The following SAP30BP variants were observed in gnomAD, a reference collection of about 807,000 sequenced individuals.
SAP30BP encodes SAP30-binding protein.
In SAP30BP, 31 loss-of-function variants were observed where a neutral mutation model predicts 46.3. The observed-to-expected ratio is 0.67, with a 90% confidence interval of 0.50 to 0.90. SAP30BP has a LOEUF of 0.90. SAP30BP is among the 40% of genes least tolerant of loss of function. The pLI, the probability that SAP30BP is intolerant of heterozygous loss-of-function variation, is 0.00. For synonymous variants in SAP30BP, 169 were observed against 144.2 expected, an observed-to-expected ratio of 1.17 and a Z score of -1.23; for missense variants, 312 against 391.0, an observed-to-expected ratio of 0.80 and a Z score of 1.70.
chr17:75,689,350 CAAGTGA>C (rs1429680551), intron 3 of SAP30BP, among the ~76,000 whole-genome samples: 1 of 152,064 alleles, frequency 6.6e-6, no homozygotes, highest in Non-Finnish European at 1.5e-5. Flanking sequence ...CTCCTGGCCT[CAAGTGA>C]TCTGCGCACC....
intron 5 of SAP30BP, 25 bp from the exon 6 acceptor site, chr17:75,702,455 C>G (rs757981610): frequency 1.8e-6 from 2 of 1,129,878 alleles, no homozygotes; most frequent in South Asian, 2.6e-5. Flanking sequence ...ATACACCCCC[C>G]CACCCCCTCT....
intron 2 of SAP30BP, among the ~76,000 whole-genome samples, chr17:75,670,938 C>T (rs532390793): frequency 3.9e-5 from 6 of 152,182 alleles, no homozygotes; most frequent in Non-Finnish European, 8.8e-5. Flanking sequence ...GGCTTCTGTG[C>T]ATTGGGAGTG....
At chr17:75,687,618 GAA>G (rs112544254) in intron 3 of SAP30BP, among the ~76,000 whole-genome samples, 15 of 113,414 alleles carry the variant, frequency 1.3e-4, no homozygotes, top group Non-Finnish European at 1.1e-4. Flanking sequence ...CCTGTCTCAG[GAA>G]AAAAAAAAAA....
At chr17:75,689,795 C>T (rs867725918) in intron 3 of SAP30BP, among the ~76,000 whole-genome samples, 4 of 152,156 alleles carry the variant, frequency 2.6e-5, no homozygotes, top group African/African-American at 4.8e-5. Flanking sequence ...CCCTTCTTTC[C>T]GCTTCCTGCC....
intron 3 of SAP30BP, among the ~76,000 whole-genome samples, chr17:75,686,310 G>A (rs773753318): frequency 6.6e-6 from 1 of 152,146 alleles, no homozygotes; most frequent in Non-Finnish European, 1.5e-5. Flanking sequence ...GAGGTCAGGA[G>A]ATCGAGACCA....
chr17:75,687,000 T>G (rs2060166614), intron 3 of SAP30BP, among the ~76,000 whole-genome samples: 1 of 152,190 alleles, frequency 6.6e-6, no homozygotes, highest in South Asian at 2.1e-4. Context: ...AAAACCTTGT[T>G]TTGACTATTA....
intron 3 of SAP30BP, among the ~76,000 whole-genome samples, chr17:75,676,180 C>T (rs1292864299): frequency 6.6e-6 from 1 of 152,178 alleles, no homozygotes; most frequent in African/African-American, 2.4e-5. Flanking sequence ...CAAAGCCTTA[C>T]CAGTGAACTC....
chr17:75,677,606 AT>A (rs36026460), intron 3 of SAP30BP, among the ~76,000 whole-genome samples: 33,290 of 109,642 alleles, frequency 0.3, 4,155 homozygotes, highest in East Asian at 0.52. Context: ...TAATTTTTGT[AT>A]TTTTTTTTTT....
At position 75,705,605 on chromosome 17, in the gene SAP30BP, C is replaced by A. The variant is rs139179170; in HGVS notation, c.661-403C>A. 7.8e-4 allele frequency: 819 copies of A among 1,043,472 alleles called. 6 individuals carry two copies. Among genetic ancestry groups the A allele is most frequent in the Non-Finnish European group, 8.0e-4 (693 of 865,022 alleles). 64.6% of individuals were successfully genotyped at this position (1,043,472 alleles called of 1,614,324 possible). On this transcript the variant is annotated intron_variant, in intron 9 of 10. Transcript: ENST00000584667. The stretch of plus-strand genomic sequence containing the variant: ...TCTCTCTTTCCCTCTCCCTTCCAAA[C>A]CCCAGGCTTGTTGCAGGGACGTGTC...
intron 3 of SAP30BP, among the ~76,000 whole-genome samples, chr17:75,685,750 G>T (rs1418751770): frequency 6.6e-6 from 1 of 152,020 alleles, no homozygotes; most frequent in Non-Finnish European, 1.5e-5. Context: ...TACTGTTCTT[G>T]TGGGAAGCCT....
At chr17:75,674,697 G>GT (rs66721865) in intron 3 of SAP30BP, among the ~76,000 whole-genome samples, 3,572 of 61,494 alleles carry the variant, frequency 0.058, 663 homozygotes, top group South Asian at 0.11. Context: ...TTTGTTTTTT[G>GT]TTTTTTTTTT....
rs543470580 is a variant in SAP30BP at position 75,683,694 on chromosome 17, G to A, written c.265-9746G>A. On this transcript the variant is annotated intron_variant, in intron 3 of 10. Transcript: ENST00000584667. ...CGTGTTCTTATTGGAAGTCCACATGGTTGTTCCCCCAGGAAGGGAGAAGAG... is the reference window on the plus strand; with the variant it reads ...CGTGTTCTTATTGGAAGTCCACATGATTGTTCCCCCAGGAAGGGAGAAGAG... The A allele has an allele frequency of 3.3e-5, 5 of 152,298 alleles. No individual in the cohort carries two copies. The East Asian group carries it at 5.8e-4, about 18-fold the overall frequency. The allele number at this position is 152,298 out of a possible 1,614,324, so 9.4% of individuals were successfully genotyped here. A position where few individuals can be genotyped will look rare whatever the true frequency, so the allele number is the denominator to read the frequency against.
chr17:75,705,989 C>T lies in SAP30BP; in HGVS notation c.661-19C>T, dbSNP rs76747976. 50 of 1,611,816 alleles carry T rather than the reference C, an allele frequency of 3.1e-5. No homozygotes were observed. The East Asian group carries it at 1.0e-3, about 33-fold the overall frequency. On this transcript the variant is annotated intron_variant, in intron 9 of 10. Transcript: ENST00000584667. ...ACCCAGCTTTGCCTGGTCTTATTCT[C>T]TTCCCTCTCCCTCTCCAGATTGAGT...
chr17:75,667,741 AGGGAGC>A (rs1174009743), intron 1 of SAP30BP, among the ~76,000 whole-genome samples: 3 of 152,256 alleles, frequency 2.0e-5, no homozygotes, highest in Non-Finnish European at 4.4e-5. Flanking sequence ...ATGGACGAAG[AGGGAGC>A]GGCTGCTCAG....
intron 3 of SAP30BP, chr17:75,693,100 C>T (rs2060263593): frequency 9.1e-6 from 2 of 220,522 alleles, no homozygotes; most frequent in Admixed American, 1.2e-4. Context: ...CAAGCTTCCT[C>T]AGACCCAGGG....
At chr17:75,673,534 GTCTT>G (rs1196848443) in intron 3 of SAP30BP, among the ~76,000 whole-genome samples, 1 of 152,218 alleles carries the variant, frequency 6.6e-6, no homozygotes, top group African/African-American at 2.4e-5. Flanking sequence ...GGGTCCTAGA[GTCTT>G]TCTGGGTACA....
At chr17:75,690,808 C>A in intron 3 of SAP30BP, 1 of 455,270 alleles carries the variant, frequency 2.2e-6, no homozygotes, top group Non-Finnish European at 4.4e-6. Flanking sequence ...CAGATTGATT[C>A]TCCAGAGCCT....
chr17:75,668,248 TTAGTGTTTATC>T (rs1388432350), intron 1 of SAP30BP: 1 of 392,092 alleles, frequency 2.6e-6, no homozygotes, highest in Non-Finnish European at 4.5e-6. Flanking sequence ...TATAAACACT[TTAGTGTTTATC>T]TAGTGTTTAT....
At chr17:75,700,095 C>G (rs960544309) in intron 5 of SAP30BP, 5 of 362,168 alleles carry the variant, frequency 1.4e-5, no homozygotes, top group Non-Finnish European at 2.6e-5. Flanking sequence ...GCTGCTCCAG[C>G]AGGGCGGCCC....
Sources: allele counts gnomAD v4.1 joint callset (sites outside exome capture counted in the v4.1 genomes callset), GRCh38; gene constraint gnomAD v4.1.1; transcripts MANE v1.5; gene names NCBI Gene and HGNC (gene_info 2026-07-23, HGNC 2026-07-21).